The following IGF2BP2 variants were observed in gnomAD, a reference collection of about 807,000 sequenced individuals.
IGF2BP2 encodes the protein insulin-like growth factor 2 mRNA-binding protein 2.
Under a neutral mutation model 75.8 loss-of-function variants are expected in IGF2BP2, and 17 were observed. The observed-to-expected ratio is 0.22, with a 90% CI of 0.15 to 0.34. The LOEUF is 0.34. Ranked by LOEUF, IGF2BP2 falls within the 10% of genes least tolerant of loss-of-function variation. The pLI is 1.00. For synonymous variants in IGF2BP2, 288 were observed against 295.6 expected (o/e 0.97, Z 0.26); for missense variants, 516 against 772.4 (o/e 0.67, Z 3.93).
At chr3:185,739,527 A>G (rs559767168) in intron 2 of IGF2BP2, among the ~76,000 whole-genome samples, 9 of 152,282 alleles carry the variant, frequency 5.9e-5, no homozygotes, top group African/African-American at 1.4e-4. Context: ...CTGGCTCCTC[A>G]GGAATCACTA....
intron 2 of IGF2BP2, among the ~76,000 whole-genome samples, chr3:185,807,408 T>C: frequency 6.6e-6 from 1 of 152,200 alleles, no homozygotes; most frequent in East Asian, 1.9e-4. Context: ...GTTGTGAAAA[T>C]TCAGTAAGGA....
intron 7 of IGF2BP2, among the ~76,000 whole-genome samples, chr3:185,678,559 A>G (rs763037240): frequency 3.3e-5 from 5 of 152,174 alleles, no homozygotes; most frequent in African/African-American, 7.2e-5. Flanking sequence ...TTTGTTTTGT[A>G]TGTTCTCTCT....
intron 2 of IGF2BP2, among the ~76,000 whole-genome samples, chr3:185,771,383 TG>T (rs1178485595): frequency 6.8e-6 from 1 of 147,444 alleles, no homozygotes; most frequent in Admixed American, 6.9e-5. Flanking sequence ...GGAGTTGCAG[TG>T]GGCTGAGATT....
At chr3:185,746,603 A>G (rs1368156437) in intron 2 of IGF2BP2, among the ~76,000 whole-genome samples, 1 of 152,220 alleles carries the variant, frequency 6.6e-6, no homozygotes, top group Admixed American at 6.5e-5. Flanking sequence ...GGTAGGAGAC[A>G]CCATTTAACT....
At chr3:185,684,920 G>A (rs907705497) in intron 7 of IGF2BP2, among the ~76,000 whole-genome samples, 1 of 151,974 alleles carries the variant, frequency 6.6e-6, no homozygotes, top group Non-Finnish European at 1.5e-5. Context: ...CACAGTGTAG[G>A]CACTGAAAAA....
At chr3:185,651,595 T>C (rs1714612131) in intron 13 of IGF2BP2, among the ~76,000 whole-genome samples, 1 of 152,172 alleles carries the variant, frequency 6.6e-6, no homozygotes, top group South Asian at 2.1e-4. Flanking sequence ...ATGATAAGGA[T>C]TGTACTTTTA....
chr3:185,676,299 A>C (rs1291637367), intron 7 of IGF2BP2, among the ~76,000 whole-genome samples: 1 of 152,176 alleles, frequency 6.6e-6, no homozygotes, highest in Non-Finnish European at 1.5e-5. Context: ...CACACCTCAA[A>C]TTAACAAGAG....
At chr3:185,749,951 C>T (rs6766484) in intron 2 of IGF2BP2, among the ~76,000 whole-genome samples, 3,506 of 152,274 alleles carry the variant, frequency 0.023, 69 homozygotes, top group Middle Eastern at 0.054. Flanking sequence ...TTATCACCCA[C>T]GCGGACTTAC....
chr3:185,707,061 TA>T (rs990252265), intron 2 of IGF2BP2, among the ~76,000 whole-genome samples: 67 of 151,776 alleles, frequency 4.4e-4, no homozygotes, highest in African/African-American at 1.6e-3. Flanking sequence ...TTTAGTTCTT[TA>T]AAAAGGACAT....
intron 2 of IGF2BP2, among the ~76,000 whole-genome samples, chr3:185,788,482 A>G (rs2149841582): frequency 6.6e-6 from 1 of 152,278 alleles, no homozygotes; most frequent in South Asian, 2.1e-4. Flanking sequence ...CTGCACTCTC[A>G]GCCTGGGCAA....
intron 7 of IGF2BP2, among the ~76,000 whole-genome samples, chr3:185,686,379 T>C (rs974535816): frequency 2.0e-5 from 3 of 149,638 alleles, no homozygotes; most frequent in Admixed American, 6.6e-5. Flanking sequence ...AGTGAGACTC[T>C]GTCTTAAAAA....
intron 2 of IGF2BP2, among the ~76,000 whole-genome samples, chr3:185,790,289 G>A (rs1041055486): frequency 1.8e-5 from 1 of 56,220 alleles, no homozygotes; most frequent in African/African-American, 1.8e-4. Context: ...CAAAATGATT[G>A]GGAAGTGAGT....
At chr3:185,792,783 A>C in intron 2 of IGF2BP2, among the ~76,000 whole-genome samples, 1 of 150,810 alleles carries the variant, frequency 6.6e-6, no homozygotes, top group Non-Finnish European at 1.5e-5. Flanking sequence ...AAAAAAAAAT[A>C]CAGAGGTGCA....
rs996161775 is a variant in IGF2BP2 at position 185,700,210 on chromosome 3, G to GAC, written c.240-1865_240-1864dup. 3.2e-4 allele frequency among the ~76,000 whole-genome samples: 48 copies of GAC among 151,988 alleles called. No individual in the cohort carries two copies. In the South Asian group the frequency reaches 4.2e-3, roughly 13 times the overall value. On this transcript the variant is annotated intron_variant, in intron 2 of 15. Coordinates refer to ENST00000382199, the MANE Select transcript of IGF2BP2 (RefSeq NM_006548.6). ...ACTCAAGCAGAAAGAGAAAAGGAGA[G>GAC]ACACACACACAGAGGTACAGAGATG...
At chr3:185,717,964 A>G (rs1352684565) in intron 2 of IGF2BP2, 1 of 152,254 alleles carries the variant, frequency 6.6e-6, no homozygotes, top group Non-Finnish European at 1.5e-5. Context: ...GTGCATTCCC[A>G]GCTGGGCATG....
chr3:185,819,034 T>C (rs1210729745), intron 2 of IGF2BP2, among the ~76,000 whole-genome samples: 1 of 152,186 alleles, frequency 6.6e-6, no homozygotes, highest in East Asian at 1.9e-4. Flanking sequence ...GAAAACATAT[T>C]GCACTTTAGA....
intron 2 of IGF2BP2, among the ~76,000 whole-genome samples, chr3:185,718,425 CGCCTGT>C (rs969306915): frequency 3.3e-5 from 5 of 152,092 alleles, no homozygotes; most frequent in Non-Finnish European, 7.3e-5. Context: ...CGGTGGCTCG[CGCCTGT>C]AATTCCAGCA....
chr3:185,643,270 G>A lies in IGF2BP2; in HGVS notation c.*2261C>T, dbSNP rs1712956201. Among the ~76,000 whole-genome samples, 1 of 152,104 alleles carries A rather than the reference G, an allele frequency of 6.6e-6. No individual in the cohort carries two copies. Among genetic ancestry groups the A allele is most frequent in the South Asian group, 2.1e-4 (1 of 4,820 alleles). On this transcript the variant is annotated 3_prime_UTR_variant, in exon 16 of 16. Coordinates refer to ENST00000382199, the MANE Select transcript of IGF2BP2 (RefSeq NM_006548.6). The stretch of plus-strand genomic sequence containing the variant: ...GAAGTGCCTCTTCCCGGAACTGCCG[G>A]GCATATTATCCTCCCCCTTTCCTCC...
chr3:185,791,500 C>T (rs1189332160), intron 2 of IGF2BP2, among the ~76,000 whole-genome samples: 1 of 152,166 alleles, frequency 6.6e-6, no homozygotes, highest in African/African-American at 2.4e-5. Flanking sequence ...TCAACTCAAC[C>T]AAATTCAACA....
Sources: gnomAD v4.1 joint callset for allele counts (sites outside exome capture counted in the v4.1 genomes callset) on GRCh38, gnomAD v4.1.1 for gene constraint, MANE v1.5 for transcripts, NCBI Gene and HGNC (gene_info 2026-07-23, HGNC 2026-07-21) for gene names.